Variants in SPAG16 observed in about 807,000 individuals in gnomAD.
SPAG16 encodes sperm-associated antigen 16 protein.
A neutral mutation model predicts 80.4 loss-of-function variants in SPAG16; 86 were observed. That is an observed-to-expected ratio of 1.07 (90% CI 0.90 to 1.28). The LOEUF (loss-of-function observed/expected upper bound fraction) is 1.28. SPAG16 is among the 50% of genes most tolerant of loss of function. The pLI, the probability that SPAG16 is intolerant of heterozygous loss-of-function variation, is 0.00. For missense variants in SPAG16, 870 were observed against 765.3 expected (o/e 1.14, Z -1.61); for synonymous variants, 294 against 265.9 (o/e 1.11, Z -1.03).
At chr2:213,699,729 A>G (rs375533006) in intron 10 of SPAG16, among the ~76,000 whole-genome samples, 2 of 152,212 alleles carry the variant, frequency 1.3e-5, no homozygotes, top group East Asian at 1.9e-4. Context: ...TGCACATTCC[A>G]TAGCAGCTTT....
chr2:214,160,157 G>T (rs1450925671), intron 15 of SPAG16, among the ~76,000 whole-genome samples: 1 of 151,426 alleles, frequency 6.6e-6, no homozygotes, highest in Non-Finnish European at 1.5e-5. Context: ...GTAAAGAATA[G>T]CATGTATTTG....
At chr2:213,972,621 A>C (rs2045133749) in intron 12 of SPAG16, among the ~76,000 whole-genome samples, 1 of 152,172 alleles carries the variant, frequency 6.6e-6, no homozygotes, top group Non-Finnish European at 1.5e-5. Flanking sequence ...TACTCTCTTG[A>C]GGAAACCCCC....
chr2:213,380,446 G>C (rs1202959039), intron 9 of SPAG16, among the ~76,000 whole-genome samples: 6 of 152,194 alleles, frequency 3.9e-5, no homozygotes, highest in African/African-American at 1.2e-4. Flanking sequence ...GGAGACCATG[G>C]ACATTTGAGC....
intron 10 of SPAG16, among the ~76,000 whole-genome samples, chr2:213,495,303 C>A (rs2074434086): frequency 6.6e-6 from 1 of 152,188 alleles, no homozygotes; most frequent in African/African-American, 2.4e-5. Context: ...TTTGAAAGTT[C>A]TAAGCCATGT....
intron 14 of SPAG16, among the ~76,000 whole-genome samples, chr2:214,142,017 A>G (rs1392347936): frequency 6.6e-6 from 1 of 152,166 alleles, no homozygotes; most frequent in African/African-American, 2.4e-5. Flanking sequence ...TATAAAACAT[A>G]TATTGGAATA....
At chr2:213,545,758 T>C (rs2076591663) in intron 10 of SPAG16, among the ~76,000 whole-genome samples, 1 of 152,140 alleles carries the variant, frequency 6.6e-6, no homozygotes, top group African/African-American at 2.4e-5. Flanking sequence ...CTCACCATTA[T>C]GTCTAAGAAT....
intron 12 of SPAG16, among the ~76,000 whole-genome samples, chr2:213,933,149 A>T (rs2078842017): frequency 6.6e-6 from 1 of 152,206 alleles, no homozygotes; most frequent in Admixed American, 6.5e-5. Flanking sequence ...TCCTACACAA[A>T]TCAATAAAAT....
At position 213,653,044 on chromosome 2, in the gene SPAG16, TTCTA is replaced by T. The variant is rs529209929; in HGVS notation, c.1070+162959_1070+162962del. Reference sequence around the variant, plus strand: ...CTTCTATGGTTCACTGCCCGGCATCTTCTATCTAGTTGTTCATAGTCTCCTATCC... The same window carrying T: ...CTTCTATGGTTCACTGCCCGGCATCTTCTAGTTGTTCATAGTCTCCTATCC... On this transcript the variant is annotated intron_variant, in intron 10 of 15. Coordinates refer to ENST00000331683, the MANE Select transcript of SPAG16 (RefSeq NM_024532.5). Among the ~76,000 whole-genome samples, 326 of 152,314 alleles carry T rather than the reference TTCTA, an allele frequency of 2.1e-3. 2 individuals are homozygous for T. Among genetic ancestry groups the T allele is most frequent in the African/African-American group, 7.6e-3 (318 of 41,574 alleles).
chr2:214,233,468 GCTGT>G (rs1486024254), intron 15 of SPAG16, among the ~76,000 whole-genome samples: 1 of 151,986 alleles, frequency 6.6e-6, no homozygotes, highest in Non-Finnish European at 1.5e-5. Context: ...TTGATCTATT[GCTGT>G]CTATTTCAAC....
At chr2:213,892,505 T>C (rs1222719597) in intron 11 of SPAG16, among the ~76,000 whole-genome samples, 1 of 152,042 alleles carries the variant, frequency 6.6e-6, no homozygotes, top group Non-Finnish European at 1.5e-5. Flanking sequence ...ATATGTGAGC[T>C]CTCTGACAAA....
At chr2:213,468,375 C>A (rs576622214) in intron 9 of SPAG16, among the ~76,000 whole-genome samples, 4,377 of 142,588 alleles carry the variant, frequency 0.031, 146 homozygotes, top group African/African-American at 0.083. Flanking sequence ...ATATCTCTCT[C>A]TATATATATA....
At chr2:214,266,486 G>A (rs1177062321) in intron 15 of SPAG16, among the ~76,000 whole-genome samples, 1 of 151,862 alleles carries the variant, frequency 6.6e-6, no homozygotes, top group Non-Finnish European at 1.5e-5. Context: ...CAGAGTAAAA[G>A]CCATATATGA....
chr2:213,978,637 G>C (rs2045541110), intron 12 of SPAG16, among the ~76,000 whole-genome samples: 1 of 152,130 alleles, frequency 6.6e-6, no homozygotes, highest in Non-Finnish European at 1.5e-5. Context: ...AACATTTACT[G>C]TCTCACATAG....
At chr2:213,334,941 C>T (rs75246211) in intron 5 of SPAG16, among the ~76,000 whole-genome samples, 8 of 152,038 alleles carry the variant, frequency 5.3e-5, no homozygotes, top group African/African-American at 1.2e-4. Flanking sequence ...TAAAAATAAC[C>T]GAAAGTAAAA....
intron 6 of SPAG16, among the ~76,000 whole-genome samples, chr2:213,348,612 G>T (rs937160403): frequency 6.6e-6 from 1 of 152,062 alleles, no homozygotes; most frequent in African/African-American, 2.4e-5. Context: ...GTCTGTAAAG[G>T]ATTTTATTTC....
intron 13 of SPAG16, among the ~76,000 whole-genome samples, chr2:214,037,991 G>T (rs909725061): frequency 3.3e-5 from 5 of 151,480 alleles, no homozygotes; most frequent in African/African-American, 1.2e-4. Context: ...GTTTTACTTT[G>T]TGAGTCAAAT....
chr2:213,385,084 A>G (rs993037306), intron 9 of SPAG16, among the ~76,000 whole-genome samples: 1 of 152,128 alleles, frequency 6.6e-6, no homozygotes, highest in African/African-American at 2.4e-5. Context: ...CTTCTCAATG[A>G]TGTTGCTGCT....
intron 10 of SPAG16, among the ~76,000 whole-genome samples, chr2:213,546,127 C>CCTAA (rs1438631845): frequency 6.6e-6 from 1 of 152,058 alleles, no homozygotes; most frequent in Non-Finnish European, 1.5e-5. Context: ...GACTCTCAGG[C>CCTAA]CTAACTGCTT....
intron 15 of SPAG16, among the ~76,000 whole-genome samples, chr2:214,214,185 CTT>C (rs71399124): frequency 2.9e-5 from 4 of 140,022 alleles, no homozygotes; most frequent in Non-Finnish European, 3.1e-5. Context: ...TTCCTTTTTA[CTT>C]TTTTTTTTTT....
Sources: allele counts gnomAD v4.1 joint callset (sites outside exome capture counted in the v4.1 genomes callset), GRCh38; gene constraint gnomAD v4.1.1; transcripts MANE v1.5; gene names NCBI Gene and HGNC (gene_info 2026-07-23, HGNC 2026-07-21).